Variants in PLCD1 observed in about 807,000 individuals in gnomAD.
The protein encoded by PLCD1 is 1-phosphatidylinositol 4,5-bisphosphate phosphodiesterase delta-1.
A neutral mutation model predicts 87.4 loss-of-function variants in PLCD1; 71 were observed. The ratio of observed to expected loss-of-function variants is 0.81; its 90% confidence interval spans 0.67 to 0.99. PLCD1 has a LOEUF of 0.99. PLCD1 is among the 50% of genes least tolerant of loss of function. PLCD1 has a pLI of 0.00. For missense variants in PLCD1, 867 were observed against 1,001.5 expected (o/e 0.87, Z 1.81); for synonymous variants, 348 against 399.2 (o/e 0.87, Z 1.53).
At position 38,012,156 on chromosome 3, in the gene PLCD1, G is replaced by A. The variant is rs915618290; in HGVS notation, c.429-483C>T. ...GATCCTCCCACTACAGGTGTGCACC[G>A]CACCACCACGCCTGGCTTTTTTTTT... On this transcript the variant is annotated intron_variant, in intron 3 of 14. Transcript: ENST00000334661. 4.8e-5 allele frequency among the ~76,000 whole-genome samples: 7 copies of A among 145,770 alleles called. No homozygotes were observed. In the East Asian group the frequency reaches 6.0e-4, roughly 12 times the overall value.
At chr3:38,028,910 G>A (rs1042453399) in intron 1 of PLCD1, among the ~76,000 whole-genome samples, 2 of 152,268 alleles carry the variant, frequency 1.3e-5, no homozygotes, top group African/African-American at 4.8e-5. Flanking sequence ...CCCCCGAGGA[G>A]GGTCGCAGAT....
chr3:38,024,069 G>A (rs958663037), intron 1 of PLCD1: 7 of 489,122 alleles, frequency 1.4e-5, no homozygotes, highest in Non-Finnish European at 2.5e-5. Context: ...TTTGTAAACA[G>A]GAAGGCGTCG....
rs527619219 is a variant in PLCD1 at position 38,024,630 on chromosome 3, G to A, written c.35-4278C>T. 15 of 1,519,910 alleles carry A rather than the reference G, an allele frequency of 9.9e-6. No individual in the cohort carries two copies. In the Admixed American group the frequency reaches 2.4e-4, roughly 24 times the overall value. 94.2% of individuals were successfully genotyped at this position (1,519,910 alleles called of 1,614,324 possible). ...GGGGCGCACTTCGGAGGGGCGGGAC[G>A]AGAGGGAAATCTGGGCTGAGGGGGT... is the stretch of plus-strand genomic sequence containing the variant. On this transcript the variant is annotated intron_variant, in intron 1 of 14. Transcript: ENST00000334661.
At chr3:38,024,907 T>G (rs1700290901) in intron 1 of PLCD1, 3 of 296,224 alleles carry the variant, frequency 1.0e-5, no homozygotes, top group African/African-American at 2.3e-5. Flanking sequence ...GGGATGGGGG[T>G]GGATCCAGAA....
At chr3:38,007,955 CAA>C (rs1278755966) in intron 14 of PLCD1, 57 bp downstream of exon 14, 13 of 1,611,420 alleles carry the variant, frequency 8.1e-6, no homozygotes, top group African/African-American at 2.7e-5. Context: ...AGCCCCAGCC[CAA>C]GAGACGCCAG....
rs1377534737 is a variant in PLCD1, at chr3:38,011,439, C to G, written c.565G>C (p.Asp189His). 1.2e-6 allele frequency: 2 copies of G among 1,613,052 alleles called. No homozygotes were observed. The highest frequency in any genetic ancestry group is 3.3e-5 in the Admixed American group (2 of 60,034). Residue 189 changes from aspartate to histidine, a missense_variant, in exon 5 of 15, where the codon GAC (aspartate) becomes CAC (histidine). By Grantham distance (81) the Asp-to-His change is moderately conservative (BLOSUM62 -1). Coordinates refer to ENST00000334661, the MANE Select transcript of PLCD1 (RefSeq NM_006225.4). ...TCCAGGGAGTCTGTCTGGGAGTGGT[C>G]ACACTCCTGCAGAGCCAGGACAGCC... is the stretch of plus-strand genomic sequence containing the variant. Reference protein sequence around the residue: ...SYARKIFRECDHSQTDSLEDE... With the variant: ...SYARKIFRECHHSQTDSLEDE...
chr3:38,013,064 A>AT (rs1700105360), intron 3 of PLCD1, among the ~76,000 whole-genome samples: 1 of 151,134 alleles, frequency 6.6e-6, no homozygotes, highest in Non-Finnish European at 1.5e-5. Flanking sequence ...TAATTTTTGT[A>AT]TTTTTTGGAG....
intron 3 of PLCD1, chr3:38,014,794 A>G (rs1257157877): frequency 6.6e-6 from 1 of 152,394 alleles, no homozygotes; most frequent in Non-Finnish European, 1.5e-5. Context: ...ATAAAGACAA[A>G]TGATCCAAAA....
At chr3:38,022,383 A>G (rs558392312) in intron 1 of PLCD1, among the ~76,000 whole-genome samples, 20 of 152,296 alleles carry the variant, frequency 1.3e-4, no homozygotes, top group African/African-American at 4.6e-4. Flanking sequence ...GAATTCCACT[A>G]TCCCTTCTAA....
intron 3 of PLCD1, among the ~76,000 whole-genome samples, chr3:38,014,840 G>C (rs559013098): frequency 7.4e-4 from 113 of 152,286 alleles, no homozygotes; most frequent in South Asian, 4.3e-3. Context: ...TTTCTCCAAA[G>C]AAGATATATA....
At position 38,007,849 on chromosome 3, in the gene PLCD1, T is replaced by C; in HGVS notation, c.2195A>G (p.His732Arg). The change falls in exon 15 of 15, where the codon CAT becomes CGT. Residue 732 changes from histidine to arginine, a missense_variant. Physicochemically the swap from His to Arg is conservative, Grantham distance 29. Coordinates refer to ENST00000334661, the MANE Select transcript of PLCD1 (RefSeq NM_006225.4). ...CCCGTTCTTAGACATGAGGTGGACA[T>C]GGCGGTATCCTGGTGGGTGGACAGG... ...PLNSLKQGYR[H>R]VHLMSKNGDQ... 6.2e-7 allele frequency: 1 copy of C among 1,614,066 alleles called. No individual in the cohort carries two copies. Among genetic ancestry groups the C allele is most frequent in the Non-Finnish European group, 8.5e-7 (1 of 1,179,934 alleles).
At chr3:38,016,368 C>T (rs1700153700) in intron 3 of PLCD1, 123 bp downstream of exon 3, 2 of 722,394 alleles carry the variant, frequency 2.8e-6, no homozygotes, top group Non-Finnish European at 5.0e-6. Flanking sequence ...TTTAAGCCAC[C>T]TATGATATTT....
chr3:38,010,256 G>A lies in PLCD1; in HGVS notation c.1012C>T (p.Arg338Ter), dbSNP rs749024979. Residue 338 changes from arginine to a stop codon, truncating the protein, a stop_gained, in exon 7 of 15, where the codon CGA (arginine) becomes TGA (stop). Transcript: ENST00000334661. LOFTEE classifies it high-confidence loss of function. ...AYIRALCKGC[R>*]CLELDCWDGP... Reference sequence around the variant, plus strand: ...TCCCAGCAGTCAAGCTCCAGGCATCGGCAGCCTTTGCACAGTGCCCTGCGG... The same window carrying A: ...TCCCAGCAGTCAAGCTCCAGGCATCAGCAGCCTTTGCACAGTGCCCTGCGG... 8.7e-6 allele frequency: 14 copies of A among 1,614,090 alleles called. No individual in the cohort carries two copies. Among genetic ancestry groups the A allele is most frequent in the African/African-American group, 1.3e-5 (1 of 74,926 alleles).
At position 38,016,507 on chromosome 3, in the gene PLCD1, G is replaced by A. The variant is rs763089667; in HGVS notation, c.412C>T (p.Arg138Cys). ...IIHHSGSMDQRQKLQHWIHSC... is the reference protein window; with the variant it reads ...IIHHSGSMDQCQKLQHWIHSC... ...AAAGGATACTGCTGTAGCTTCTGAC[G>A]CTGGTCCATGGAGCCTGAGTGGTGG... is the stretch of plus-strand genomic sequence containing the variant. The change falls in exon 3 of 15, where the codon CGT becomes TGT. Residue 138 changes from arginine (R) to cysteine (C), a missense_variant. Physicochemically the swap from Arg to Cys is radical, Grantham distance 180 (BLOSUM62 -3). Coordinates refer to ENST00000334661, the MANE Select transcript of PLCD1 (RefSeq NM_006225.4). The A allele has an allele frequency of 9.3e-6, 15 of 1,612,202 alleles. No homozygotes were observed. Among genetic ancestry groups the A allele is most frequent in the Middle Eastern group, 1.6e-4 (1 of 6,062 alleles).
intron 14 of PLCD1, 37 bp from the exon 15 acceptor site, chr3:38,007,895 G>A: frequency 6.2e-7 from 1 of 1,608,806 alleles, no homozygotes. Flanking sequence ...CACAGAGAGA[G>A]TTCTGGTCAT....
At chr3:38,019,527 C>T (rs1260258413) in intron 2 of PLCD1, among the ~76,000 whole-genome samples, 1 of 152,190 alleles carries the variant, frequency 6.6e-6, no homozygotes, top group Non-Finnish European at 1.5e-5. Flanking sequence ...TTAGGGAATT[C>T]TCTCCCTTAA....
intron 1 of PLCD1, 123 bp from the exon 2 acceptor site, chr3:38,020,475 C>A: frequency 1.1e-6 from 1 of 885,580 alleles, no homozygotes. Context: ...TCATCCTCAG[C>A]TCTGTTTACT....
chr3:38,026,926 T>C (rs559418936), intron 1 of PLCD1, among the ~76,000 whole-genome samples: 44 of 152,304 alleles, frequency 2.9e-4, no homozygotes, highest in African/African-American at 1.0e-3. Context: ...CTCTATTTTC[T>C]GTTTTTACAA....
intron 1 of PLCD1, among the ~76,000 whole-genome samples, chr3:38,026,746 G>A (rs1038549755): frequency 6.6e-6 from 1 of 152,198 alleles, no homozygotes; most frequent in Non-Finnish European, 1.5e-5. Context: ...ATCATCTCTT[G>A]GAGGACTGGT....
Sources: gnomAD v4.1 joint callset for allele counts (sites outside exome capture counted in the v4.1 genomes callset) on GRCh38, gnomAD v4.1.1 for gene constraint, MANE v1.5 for transcripts, NCBI Gene and HGNC (gene_info 2026-07-23, HGNC 2026-07-21) for gene names.